C1GALT1: variants seen among roughly 807,000 people sequenced by gnomAD.
C1GALT1 encodes glycoprotein-N-acetylgalactosamine 3-beta-galactosyltransferase 1.
C1GALT1 carries 11 observed loss-of-function variants against 31.0 expected under a neutral mutation model. That is an observed-to-expected ratio of 0.36 (90% CI 0.22 to 0.59). The LOEUF (loss-of-function observed/expected upper bound fraction) is 0.59, where lower values mean the gene tolerates loss of function less well. C1GALT1 is among the 20% of genes least tolerant of loss of function. The probability of loss-of-function intolerance (pLI) is 0.79; values close to 1 mark genes in which losing one functional copy is unlikely to be tolerated. For synonymous variants in C1GALT1, 175 were observed against 143.6 expected, an observed-to-expected ratio of 1.22 and a Z score of -1.56; for missense variants, 424 against 425.2, an observed-to-expected ratio of 1.00 and a Z score of 0.03.
intron 1 of C1GALT1, among the ~76,000 whole-genome samples, chr7:7,186,739 G>A (rs1780832745): frequency 6.6e-6 from 1 of 152,198 alleles, no homozygotes; most frequent in Non-Finnish European, 1.5e-5. Context: ...ACAGTTAAGT[G>A]TGAAGACCCT....
chr7:7,158,885 A>T (rs1780302519), intron 2 of C1GALT1, among the ~76,000 whole-genome samples: 1 of 152,140 alleles, frequency 6.6e-6, no homozygotes, highest in South Asian at 2.1e-4. Flanking sequence ...AATGAATTAA[A>T]ATTAACTGTG....
At position 7,200,211 on chromosome 7, in the gene C1GALT1, C is replaced by T. The variant is rs181319623; in HGVS notation, c.-18+17391C>T. Among the ~76,000 whole-genome samples, 14 of 152,276 alleles carry T rather than the reference C, an allele frequency of 9.2e-5. No homozygotes were observed. In the East Asian group the frequency reaches 2.7e-3, roughly 29 times the overall value. On this transcript the variant is annotated intron_variant, in intron 1 of 3. Transcript: ENST00000436587. ...TCCTTTCCATGTTTAGTGCTGCCTT[C>T]AGGAGCTCTTGTAAGGCAGGCCTGG...
rs541977301 is a variant in C1GALT1 at position 7,233,410 on chromosome 7, C to T, written c.-17-893C>T. Among the ~76,000 whole-genome samples, 94 of 152,180 alleles carry T rather than the reference C, an allele frequency of 6.2e-4. 2 individuals are homozygous for T. The South Asian group carries it at 0.012, about 19-fold the overall frequency. On this transcript the variant is annotated intron_variant, in intron 1 of 3. Coordinates refer to ENST00000436587, the MANE Select transcript of C1GALT1 (RefSeq NM_020156.5). ...TTACCAATTCTTCCCAAGTATTCAC[C>T]TTATTCTTCCCAAGTAGCTGTGACT...
intron 1 of C1GALT1, among the ~76,000 whole-genome samples, chr7:7,193,453 TCA>T (rs1262353478): frequency 1.3e-5 from 2 of 152,182 alleles, no homozygotes; most frequent in Non-Finnish European, 2.9e-5. Context: ...TTGTCAAAGA[TCA>T]GTTGGCTGTT....
chr7:7,218,913 A>C (rs996286880), intron 1 of C1GALT1, among the ~76,000 whole-genome samples: 1 of 150,602 alleles, frequency 6.6e-6, no homozygotes, highest in Non-Finnish European at 1.5e-5. Flanking sequence ...GGCTCACTGC[A>C]AGCTCCGCCT....
At chr7:7,161,302 CA>C (rs1330185317) in intron 2 of C1GALT1, among the ~76,000 whole-genome samples, 1 of 152,110 alleles carries the variant, frequency 6.6e-6, no homozygotes, top group East Asian at 1.9e-4. Flanking sequence ...AAAAACCTTA[CA>C]ACTCACTTAG....
intron 1 of C1GALT1, among the ~76,000 whole-genome samples, chr7:7,210,732 C>A (rs540777182): frequency 1.3e-5 from 2 of 152,054 alleles, no homozygotes; most frequent in Admixed American, 6.5e-5. Flanking sequence ...GTTCTACGCT[C>A]GTCGGGATTC....
Position 7,245,679 on chromosome 7 carries a change from TCAC to T in C1GALT1, c.*1955_*1957del, listed in dbSNP as rs959813717. Reference sequence around the variant, plus strand: ...TTCATTTTATTCTTTGAACAACTCTTCACCATGGTGTGGACATGAATTTTCATA... The same window carrying T: ...TTCATTTTATTCTTTGAACAACTCTTCATGGTGTGGACATGAATTTTCATA... On this transcript the variant is annotated 3_prime_UTR_variant, in exon 4 of 4. Coordinates refer to ENST00000436587, the MANE Select transcript of C1GALT1 (RefSeq NM_020156.5). The T allele has an allele frequency of 6.6e-6, 1 of 152,212 alleles. No homozygotes were observed. Among genetic ancestry groups the T allele is most frequent in the Non-Finnish European group, 1.5e-5 (1 of 68,028 alleles). 9.4% of individuals were successfully genotyped at this position (152,212 alleles called of 1,614,324 possible).
At chr7:7,235,195 G>A (rs1455888083) in intron 2 of C1GALT1, 1 of 152,134 alleles carries the variant, frequency 6.6e-6, no homozygotes, top group African/African-American at 2.4e-5. Flanking sequence ...CTTTAGCCCA[G>A]TTCCAGACAT....
intron 1 of C1GALT1, among the ~76,000 whole-genome samples, chr7:7,197,383 T>A (rs1215968243): frequency 1.3e-5 from 2 of 152,124 alleles, no homozygotes; most frequent in Non-Finnish European, 1.5e-5. Flanking sequence ...AGGGCTATAT[T>A]CTGTTCCATT....
At chr7:7,229,696 A>G (rs1310199159) in intron 1 of C1GALT1, among the ~76,000 whole-genome samples, 2 of 152,206 alleles carry the variant, frequency 1.3e-5, no homozygotes, top group East Asian at 3.9e-4. Flanking sequence ...CAGGAGGGAT[A>G]TGTTTTATTG....
intron 2 of C1GALT1, among the ~76,000 whole-genome samples, chr7:7,165,376 T>C (rs766032547): frequency 1.3e-4 from 20 of 152,238 alleles, no homozygotes; most frequent in Non-Finnish European, 2.6e-4. Flanking sequence ...TATACCCATT[T>C]AATTTATCCT....
chr7:7,197,867 G>T (rs1345240142), intron 1 of C1GALT1, among the ~76,000 whole-genome samples: 4 of 152,212 alleles, frequency 2.6e-5, no homozygotes, highest in Admixed American at 2.0e-4. Context: ...AGGAATGCTT[G>T]TGATTTTTGC....
At chr7:7,167,322 A>C (rs959812345) in intron 2 of C1GALT1, among the ~76,000 whole-genome samples, 1 of 152,206 alleles carries the variant, frequency 6.6e-6, no homozygotes, top group African/African-American at 2.4e-5. Context: ...AACAGCATTC[A>C]TTGAGATTAA....
At chr7:7,171,786 G>A (rs1024102186) in intron 2 of C1GALT1, among the ~76,000 whole-genome samples, 6 of 151,706 alleles carry the variant, frequency 4.0e-5, no homozygotes, top group Non-Finnish European at 8.8e-5. Context: ...TAGCAATTAC[G>A]TTTAATGCCC....
chr7:7,182,884 C>T (rs190820704), intron 1 of C1GALT1, 64 bp downstream of exon 1: 48 of 978,100 alleles, frequency 4.9e-5, no homozygotes, highest in Middle Eastern at 5.3e-4. Flanking sequence ...CGCCCTCCCC[C>T]CTCTCCGGGT....
upstream of C1GALT1, among the ~76,000 whole-genome samples, chr7:7,182,234 AAAGGTCCTTC>A (rs1434738963): frequency 1.3e-5 from 2 of 152,028 alleles, no homozygotes; most frequent in African/African-American, 2.4e-5. Flanking sequence ...TACCTCAGAC[AAAGGTCCTTC>A]AAGCATCCCC....
chr7:7,227,678 C>T (rs542629700), intron 1 of C1GALT1, among the ~76,000 whole-genome samples: 120 of 150,486 alleles, frequency 8.0e-4, no homozygotes, highest in African/African-American at 2.8e-3. Context: ...CGAGATCCCG[C>T]CACTGCACTC....
intron 1 of C1GALT1, among the ~76,000 whole-genome samples, chr7:7,191,192 G>C (rs1247595722): frequency 6.6e-6 from 1 of 152,066 alleles, no homozygotes; most frequent in Non-Finnish European, 1.5e-5. Context: ...CTCTGTCTCT[G>C]ATTTTTCACT....
Sources: allele counts gnomAD v4.1 joint callset (sites outside exome capture counted in the v4.1 genomes callset), GRCh38; gene constraint gnomAD v4.1.1; transcripts MANE v1.5; gene names NCBI Gene and HGNC (gene_info 2026-07-23, HGNC 2026-07-21).